Variants in KCNG3 observed in about 807,000 individuals in gnomAD.
The protein encoded by KCNG3 is voltage-gated potassium channel regulatory subunit KCNG3.
Under a neutral mutation model 29.0 loss-of-function variants are expected in KCNG3, and 15 were observed. The ratio of observed to expected loss-of-function variants is 0.52; its 90% CI spans 0.35 to 0.80. KCNG3 has a LOEUF of 0.80. Among genes scored for constraint, KCNG3 ranks in the 30% least tolerant of loss-of-function variants. The pLI, the probability that KCNG3 is intolerant of heterozygous loss-of-function variation, is 0.01. For synonymous variants in KCNG3, 322 were observed against 248.9 expected (o/e 1.29, Z -2.76); for missense variants, 512 against 605.7 (o/e 0.85, Z 1.62).
chr2:42,476,391 T>A (rs1318938895), intron 1 of KCNG3, among the ~76,000 whole-genome samples: 1 of 152,014 alleles, frequency 6.6e-6, no homozygotes, highest in Non-Finnish European at 1.5e-5. Flanking sequence ...GTGGGAGGAT[T>A]GCCTGAGCCC....
chr2:42,388,828 T>A, the KCNG3 span, among the ~76,000 whole-genome samples: 1 of 152,164 alleles, frequency 6.6e-6, no homozygotes, highest in Non-Finnish European at 1.5e-5. Context: ...AAACCACTAT[T>A]TATACCTTGA....
At chr2:42,470,302 T>G (rs1371564759) in intron 1 of KCNG3, 2 of 318,852 alleles carry the variant, frequency 6.3e-6, no homozygotes, top group East Asian at 1.7e-4. Context: ...AATAATTGTT[T>G]AAATTTTAAA....
rs137865073 is a variant in KCNG3 at position 42,454,223 on chromosome 2, A to C, written c.666-9644T>G. Among the ~76,000 whole-genome samples, 240 of 152,278 alleles carry C rather than the reference A, an allele frequency of 1.6e-3. 1 individual carries two copies. The highest frequency in any genetic ancestry group is 5.6e-3 in the African/African-American group (232 of 41,564). On this transcript the variant is annotated intron_variant, in intron 1 of 1. Transcript: ENST00000306078. ...TCGAAAAATTAAAAATAGAAATATC[A>C]CATGCTGAAGTAATCACGCTTCTGG...
intron 1 of KCNG3, among the ~76,000 whole-genome samples, chr2:42,452,176 G>C (rs573075102): frequency 2.1e-5 from 3 of 145,972 alleles, no homozygotes; most frequent in South Asian, 2.1e-4. Flanking sequence ...TTTTGATACA[G>C]GCATGCAATG....
the KCNG3 span, among the ~76,000 whole-genome samples, chr2:42,423,804 G>GAAA: frequency 8.3e-6 from 1 of 120,954 alleles, no homozygotes; most frequent in African/African-American, 2.8e-5. Flanking sequence ...GAGGTGAAAG[G>GAAA]AAAAAAAAAA....
the KCNG3 span, among the ~76,000 whole-genome samples, chr2:42,398,871 G>A: frequency 1.3e-5 from 2 of 152,068 alleles, no homozygotes; most frequent in African/African-American, 2.4e-5. Flanking sequence ...TTACTGACTC[G>A]AAGAGAGACA....
intron 1 of KCNG3, among the ~76,000 whole-genome samples, chr2:42,445,759 C>T (rs1055087749): frequency 2.0e-5 from 3 of 151,850 alleles, no homozygotes; most frequent in South Asian, 2.1e-4. Flanking sequence ...TGAAGTTTCA[C>T]GCTATCGCCC....
At chr2:42,451,106 G>A (rs771342453) in intron 1 of KCNG3, among the ~76,000 whole-genome samples, 1 of 146,006 alleles carries the variant, frequency 6.8e-6, no homozygotes, top group Non-Finnish European at 1.5e-5. Flanking sequence ...TCGGGAGACT[G>A]AGGCAGGAGA....
At chr2:42,445,697 A>G (rs575642521) in intron 1 of KCNG3, among the ~76,000 whole-genome samples, 6 of 151,986 alleles carry the variant, frequency 3.9e-5, no homozygotes, top group African/African-American at 1.4e-4. Context: ...AAATAATCGC[A>G]TTTATACAGC....
chr2:42,408,943 T>C, the KCNG3 span, among the ~76,000 whole-genome samples: 1 of 152,060 alleles, frequency 6.6e-6, no homozygotes, highest in African/African-American at 2.4e-5. Context: ...GAATGCTTGT[T>C]CCCCGATGCA....
intron 1 of KCNG3, among the ~76,000 whole-genome samples, chr2:42,467,279 C>T (rs2103700517): frequency 1.3e-5 from 2 of 152,270 alleles, no homozygotes; most frequent in South Asian, 4.1e-4. Context: ...GATGATTTTA[C>T]AGGCAAGTTC....
At chr2:42,453,678 T>C (rs773838514) in intron 1 of KCNG3, among the ~76,000 whole-genome samples, 6 of 152,192 alleles carry the variant, frequency 3.9e-5, no homozygotes, top group Non-Finnish European at 8.8e-5. Flanking sequence ...CTTTGTTGAT[T>C]CTTTCCTTTG....
At chr2:42,451,688 T>A (rs1672757739) in intron 1 of KCNG3, among the ~76,000 whole-genome samples, 1 of 152,114 alleles carries the variant, frequency 6.6e-6, no homozygotes, top group South Asian at 2.1e-4. Context: ...ATCGTGCCAC[T>A]GCACTCCAAC....
At chr2:42,486,262 G>A (rs1388642269) in intron 1 of KCNG3, among the ~76,000 whole-genome samples, 2 of 152,184 alleles carry the variant, frequency 1.3e-5, no homozygotes, top group Non-Finnish European at 2.9e-5. Context: ...TGGTAGGTGA[G>A]CTGTCATTAA....
At chr2:42,478,186 G>A (rs1242400936) in intron 1 of KCNG3, among the ~76,000 whole-genome samples, 10 of 152,074 alleles carry the variant, frequency 6.6e-5, no homozygotes, top group Admixed American at 5.2e-4. Flanking sequence ...ATCTAAAGGA[G>A]CTTTTGTTTT....
At chr2:42,395,946 CT>C in the KCNG3 span, among the ~76,000 whole-genome samples, 2 of 151,918 alleles carry the variant, frequency 1.3e-5, no homozygotes, top group Admixed American at 1.3e-4. Flanking sequence ...TGAGCAAAAC[CT>C]TGTTTCAAAA....
chr2:42,470,065 T>G (rs1158220206), intron 1 of KCNG3: 15 of 506,592 alleles, frequency 3.0e-5, no homozygotes, highest in South Asian at 2.6e-5. Flanking sequence ...CTGATCTCCC[T>G]GAAGATCTCT....
At chr2:42,405,196 C>A in the KCNG3 span, among the ~76,000 whole-genome samples, 1 of 152,216 alleles carries the variant, frequency 6.6e-6, no homozygotes, top group African/African-American at 2.4e-5. Context: ...CGTCTGGAAT[C>A]ACGTTTTATA....
intron 1 of KCNG3, among the ~76,000 whole-genome samples, chr2:42,464,377 G>C (rs1276937499): frequency 6.6e-6 from 1 of 152,096 alleles, no homozygotes; most frequent in Non-Finnish European, 1.5e-5. Flanking sequence ...CAAAACAAAA[G>C]ATTTAAACAA....
Sources: allele counts gnomAD v4.1 joint callset (sites outside exome capture counted in the v4.1 genomes callset), GRCh38; gene constraint gnomAD v4.1.1; transcripts MANE v1.5; gene names NCBI Gene and HGNC (gene_info 2026-07-23, HGNC 2026-07-21).